The following CRPPA variants were observed in gnomAD, a reference collection of about 807,000 sequenced individuals.
The protein encoded by CRPPA is CDP-L-ribitol pyrophosphorylase A.
In CRPPA, 43 loss-of-function variants were observed where a neutral mutation model predicts 52.0. The ratio of observed to expected loss-of-function variants is 0.83; its 90% CI spans 0.65 to 1.07. The LOEUF (loss-of-function observed/expected upper bound fraction) is 1.07. Ranked by LOEUF, CRPPA falls within the 50% of genes least tolerant of loss-of-function variation. The pLI, the probability that CRPPA is intolerant of heterozygous loss-of-function variation, is 0.00. For missense variants in CRPPA, 629 were observed against 551.7 expected, an observed-to-expected ratio of 1.14 and a Z score of -1.40; for synonymous variants, 250 against 203.5, an observed-to-expected ratio of 1.23 and a Z score of -1.94.
At position 16,263,352 on chromosome 7, in the gene CRPPA, ACCTATG is replaced by A. The variant is rs112385106; in HGVS notation, c.934-4346_934-4341del. Among the ~76,000 whole-genome samples the A allele has an allele frequency of 7.7e-3, 1,167 of 152,296 alleles. 19 individuals are homozygous for A. Among genetic ancestry groups the A allele is most frequent in the African/African-American group, 0.027 (1,130 of 41,554 alleles). ...TGTCACAAATACTGGGCTCATTCAT[ACCTATG>A]ACAACTTCGGCCCATATTGACTTCA... On this transcript the variant is annotated intron_variant, in intron 6 of 9. Transcript: ENST00000407010.
intron 3 of CRPPA, among the ~76,000 whole-genome samples, chr7:16,350,813 T>G (rs1379690988): frequency 6.6e-6 from 1 of 152,074 alleles, no homozygotes; most frequent in Admixed American, 6.6e-5. Context: ...AGGCGTAGAG[T>G]GTGGCTTAAT....
intron 9 of CRPPA, among the ~76,000 whole-genome samples, chr7:16,120,678 C>G (rs1315357593): frequency 6.6e-6 from 1 of 152,114 alleles, no homozygotes; most frequent in Non-Finnish European, 1.5e-5. Context: ...CAGTCTCTCT[C>G]TCCTACTGCA....
intron 3 of CRPPA, among the ~76,000 whole-genome samples, chr7:16,365,912 C>A (rs756161927): frequency 2.0e-5 from 3 of 151,856 alleles, no homozygotes; most frequent in Non-Finnish European, 4.4e-5. Context: ...GATAAGACAC[C>A]CAGAAGACAG....
chr7:16,180,300 A>C (rs1208561978), intron 9 of CRPPA, among the ~76,000 whole-genome samples: 1 of 152,100 alleles, frequency 6.6e-6, no homozygotes, highest in Non-Finnish European at 1.5e-5. Context: ...TAGGGCCGGG[A>C]ACCAGAAATA....
intron 2 of CRPPA, among the ~76,000 whole-genome samples, chr7:16,398,685 C>G (rs1787691443): frequency 6.6e-6 from 1 of 152,148 alleles, no homozygotes; most frequent in African/African-American, 2.4e-5. Context: ...TGACATGTGA[C>G]TGACACGATT....
intron 8 of CRPPA, among the ~76,000 whole-genome samples, chr7:16,253,935 A>G (rs1215129814): frequency 6.6e-6 from 1 of 152,232 alleles, no homozygotes; most frequent in Non-Finnish European, 1.5e-5. Context: ...AAGGATAGGT[A>G]CAGACACTTC....
In CRPPA at chr7:16,311,942, C is replaced by T. The variant is rs577929832; in HGVS notation, c.685-3315G>A. Among the ~76,000 whole-genome samples, 445 of 152,094 alleles carry T rather than the reference C, an allele frequency of 2.9e-3. 2 individuals carry two copies. The highest frequency in any genetic ancestry group is 6.8e-3 in the Middle Eastern group (2 of 294). The stretch of plus-strand genomic sequence containing the variant: ...ACCAATTGATTACATTTATGTGATT[C>T]TGTTTCTGGGGTCTTTATTTCATTC... On this transcript the variant is annotated intron_variant, in intron 3 of 9. Transcript: ENST00000407010.
chr7:16,153,387 A>C (rs1373966990), intron 9 of CRPPA, among the ~76,000 whole-genome samples: 3 of 152,100 alleles, frequency 2.0e-5, no homozygotes, highest in Non-Finnish European at 2.9e-5. Context: ...TTTTTTTAAA[A>C]AAAGAAATAA....
intron 3 of CRPPA, among the ~76,000 whole-genome samples, chr7:16,338,940 C>T (rs896890588): frequency 1.3e-5 from 2 of 151,534 alleles, no homozygotes; most frequent in Admixed American, 6.6e-5. Flanking sequence ...CTCAGCCTCC[C>T]GAGTAGCTGG....
rs794726893 is a variant in CRPPA at position 16,421,316 on chromosome 7, C to G, written c.7G>C (p.Ala3Pro). Residue 3 changes from alanine to proline, a missense_variant, in exon 1 of 10, where the codon GCC becomes CCC. Ala to Pro is a conservative substitution (Grantham distance 27). Transcript: ENST00000407010. ...GGCCTGGCGCTGCCCGGCGGCCCGGCCTCCATGGCTGCGGGCGGAACGGCG... is the reference window on the plus strand; with the variant it reads ...GGCCTGGCGCTGCCCGGCGGCCCGGGCTCCATGGCTGCGGGCGGAACGGCG... MEAGPPGSARPAE... is the reference protein window; with the variant it reads MEPGPPGSARPAE... The G allele has an allele frequency of 5.6e-6, 7 of 1,254,670 alleles. No individual in the cohort carries two copies. In the Middle Eastern group the frequency reaches 9.2e-4, roughly 165 times the overall value. 77.7% of individuals were successfully genotyped at this position (1,254,670 alleles called of 1,614,324 possible). A position where few individuals can be genotyped will look rare whatever the true frequency, so the allele number is the denominator to read the frequency against.
At chr7:16,335,154 C>CAAAAAAAAAAAAAAAAAAAAAAAGAA (rs1785647819) in intron 3 of CRPPA, among the ~76,000 whole-genome samples, 1 of 93,802 alleles carries the variant, frequency 1.1e-5, no homozygotes, top group Non-Finnish European at 2.0e-5. Context: ...CCCATCTCTA[C>CAAAAAAAAAAAAAAAAAAAAAAAGAA]AAAAAAAAAA....
At chr7:16,260,740 A>T (rs1293784271) in intron 6 of CRPPA, among the ~76,000 whole-genome samples, 6 of 151,870 alleles carry the variant, frequency 4.0e-5, no homozygotes, top group Non-Finnish European at 8.8e-5. Context: ...AAAAAATCTT[A>T]CTTTAAAATT....
chr7:16,406,935 A>C (rs750840975), intron 1 of CRPPA, among the ~76,000 whole-genome samples: 1 of 152,160 alleles, frequency 6.6e-6, no homozygotes. Flanking sequence ...ATGAAATAGG[A>C]TTGTTCTATT....
intron 8 of CRPPA, 161 bp from the exon 9 acceptor site, chr7:16,216,358 C>A: frequency 4.1e-6 from 2 of 493,640 alleles, no homozygotes; most frequent in Non-Finnish European, 7.1e-6. Context: ...TACTTAAGAT[C>A]GATGAATCCT....
intron 8 of CRPPA, among the ~76,000 whole-genome samples, chr7:16,233,438 T>A (rs1782861341): frequency 6.6e-6 from 1 of 152,172 alleles, no homozygotes; most frequent in Non-Finnish European, 1.5e-5. Flanking sequence ...AACCCAGAAC[T>A]GATAGGCATC....
chr7:16,119,880 G>A (rs1045796576), intron 9 of CRPPA, among the ~76,000 whole-genome samples: 6 of 152,282 alleles, frequency 3.9e-5, no homozygotes, highest in African/African-American at 1.4e-4. Flanking sequence ...TGTTGAGTCT[G>A]GAACGTGGAA....
In CRPPA at chr7:16,261,502, A is replaced by G. The variant is rs917229692; in HGVS notation, c.934-2490T>C. ...TTAGACATTATCTACCTTCAAGGAAAGTGACTTAACAAAATTTTCCCCAAT... is the reference window on the plus strand; with the variant it reads ...TTAGACATTATCTACCTTCAAGGAAGGTGACTTAACAAAATTTTCCCCAAT... On this transcript the variant is annotated intron_variant, in intron 6 of 9. Coordinates refer to ENST00000407010, the MANE Select transcript of CRPPA (RefSeq NM_001101426.4). Among the ~76,000 whole-genome samples, 6 of 152,214 alleles carry G rather than the reference A, an allele frequency of 3.9e-5. No homozygotes were observed. The East Asian group carries it at 9.6e-4, about 24-fold the overall frequency.
intron 3 of CRPPA, among the ~76,000 whole-genome samples, chr7:16,352,037 G>T (rs545057547): frequency 3.3e-5 from 5 of 152,206 alleles, no homozygotes; most frequent in African/African-American, 1.2e-4. Flanking sequence ...TGATAGACTG[G>T]ATAAAGAAAA....
At chr7:16,103,899 G>C (rs574133846) in intron 9 of CRPPA, among the ~76,000 whole-genome samples, 1 of 152,160 alleles carries the variant, frequency 6.6e-6, no homozygotes, top group African/African-American at 2.4e-5. Flanking sequence ...GGTTAGATTT[G>C]TTCACATAAC....
Sources: gnomAD v4.1 joint callset for allele counts (sites outside exome capture counted in the v4.1 genomes callset) on GRCh38, gnomAD v4.1.1 for gene constraint, MANE v1.5 for transcripts, NCBI Gene and HGNC (gene_info 2026-07-23, HGNC 2026-07-21) for gene names.